The following SCML4 variants were observed in gnomAD, a reference collection of about 807,000 sequenced individuals.
The protein encoded by SCML4 is sex comb on midleg-like protein 4.
A neutral mutation model predicts 41.1 loss-of-function variants in SCML4; 34 were observed. The observed-to-expected ratio is 0.83, with a 90% CI of 0.63 to 1.10. SCML4 has a LOEUF of 1.10. SCML4 is among the 50% of genes least tolerant of loss of function. The probability of loss-of-function intolerance (pLI) is 0.00; values close to 1 mark genes in which losing one functional copy is unlikely to be tolerated. For missense variants in SCML4, 522 were observed against 534.1 expected, an observed-to-expected ratio of 0.98 and a Z score of 0.22; for synonymous variants, 214 against 220.9, an observed-to-expected ratio of 0.97 and a Z score of 0.28.
chr6:107,832,197 C>T, the SCML4 span, among the ~76,000 whole-genome samples: 2 of 152,144 alleles, frequency 1.3e-5, no homozygotes, highest in African/African-American at 4.8e-5. Flanking sequence ...AGAGATCATG[C>T]CACTGCACTC....
At chr6:107,706,137 A>T (rs945294474) in intron 7 of SCML4, among the ~76,000 whole-genome samples, 1 of 152,154 alleles carries the variant, frequency 6.6e-6, no homozygotes, top group African/African-American at 2.4e-5. Flanking sequence ...TCTCTCATTC[A>T]TCTGCCCAGC....
chr6:107,781,190 CA>C (rs924236536), intron 1 of SCML4, among the ~76,000 whole-genome samples: 1 of 151,552 alleles, frequency 6.6e-6, no homozygotes, highest in African/African-American at 2.4e-5. Context: ...CCTGTCTCTA[CA>C]AAAAATACAA....
the SCML4 span, among the ~76,000 whole-genome samples, chr6:107,845,948 C>T: frequency 6.6e-6 from 1 of 152,200 alleles, no homozygotes; most frequent in Non-Finnish European, 1.5e-5. Flanking sequence ...CCTGTCCCCA[C>T]CTGCAGTGAC....
rs202235346 is a variant in SCML4, at chr6:107,753,278, TA to T, written c.157-3466del. Among the ~76,000 whole-genome samples the T allele has an allele frequency of 5.1e-3, 781 of 152,096 alleles. 10 individuals are homozygous for T. The East Asian group carries it at 0.063, about 12-fold the overall frequency. ...CTATGGAAAAGAGTATGGCAGTTTT[TA>T]AAAAAAATTAGAAATAAAATTACCA... On this transcript the variant is annotated intron_variant, in intron 2 of 7. Coordinates refer to ENST00000369020, the MANE Select transcript of SCML4 (RefSeq NM_198081.5).
At chr6:107,820,164 C>T (rs1473990521) in intron 1 of SCML4, among the ~76,000 whole-genome samples, 1 of 152,150 alleles carries the variant, frequency 6.6e-6, no homozygotes, top group Non-Finnish European at 1.5e-5. Context: ...GCCTTGTCAC[C>T]GGTATTCAGC....
chr6:107,778,187 A>G (rs1008044986), intron 1 of SCML4, among the ~76,000 whole-genome samples: 2 of 118,028 alleles, frequency 1.7e-5, no homozygotes, highest in Non-Finnish European at 1.7e-5. Flanking sequence ...AGTGAGCGAG[A>G]CTCTATCTCA....
At chr6:107,713,481 T>G (rs967970864) in intron 6 of SCML4, among the ~76,000 whole-genome samples, 1 of 152,228 alleles carries the variant, frequency 6.6e-6, no homozygotes, top group Non-Finnish European at 1.5e-5. Flanking sequence ...TGTGTCCACA[T>G]GCAAAACACA....
intron 1 of SCML4, among the ~76,000 whole-genome samples, chr6:107,811,380 G>T (rs1784148178): frequency 6.6e-6 from 1 of 152,100 alleles, no homozygotes; most frequent in African/African-American, 2.4e-5. Flanking sequence ...ATTGCATTTT[G>T]TGGTTCCTGG....
intron 2 of SCML4, among the ~76,000 whole-genome samples, chr6:107,751,296 G>C (rs1358128820): frequency 6.6e-6 from 1 of 152,198 alleles, no homozygotes; most frequent in Non-Finnish European, 1.5e-5. Flanking sequence ...GGCATTTCTT[G>C]GGTGAAATTG....
chr6:107,839,418 G>C, the SCML4 span, among the ~76,000 whole-genome samples: 1 of 149,422 alleles, frequency 6.7e-6, no homozygotes. Flanking sequence ...AGAGGAAGAA[G>C]AGAGGGAGGG....
intron 2 of SCML4, among the ~76,000 whole-genome samples, chr6:107,761,617 A>AG (rs1779604438): frequency 6.6e-6 from 1 of 151,908 alleles, no homozygotes; most frequent in African/African-American, 2.4e-5. Context: ...TCATATTTTT[A>AG]GTAGAAATGG....
At chr6:107,785,032 C>T (rs1781780797) in intron 1 of SCML4, among the ~76,000 whole-genome samples, 1 of 152,244 alleles carries the variant, frequency 6.6e-6, no homozygotes, top group Non-Finnish European at 1.5e-5. Context: ...CAAGTCACTT[C>T]ACCATTCTGG....
rs1778438643 is a variant in SCML4, at chr6:107,749,669, A to G, written c.286+15T>C. 4 of 1,613,354 alleles carry G rather than the reference A, an allele frequency of 2.5e-6. No homozygotes were observed. The highest frequency in any genetic ancestry group is 1.3e-5 in the African/African-American group (1 of 74,870). On this transcript the variant is annotated intron_variant, in intron 3 of 7. Transcript: ENST00000369020. ...ACAGACCATCACAGCCTTGGAGTTCATTCTGCTGACCTACCTGTGAGAGCC... is the reference window on the plus strand; with the variant it reads ...ACAGACCATCACAGCCTTGGAGTTCGTTCTGCTGACCTACCTGTGAGAGCC...
At chr6:107,706,665 G>A (rs914977764) in intron 7 of SCML4, among the ~76,000 whole-genome samples, 1 of 152,140 alleles carries the variant, frequency 6.6e-6, no homozygotes, top group Non-Finnish European at 1.5e-5. Context: ...TTTAAAGTAG[G>A]GAGATTATCC....
At chr6:107,733,756 T>G (rs974478777) in intron 5 of SCML4, among the ~76,000 whole-genome samples, 1 of 152,242 alleles carries the variant, frequency 6.6e-6, no homozygotes, top group Non-Finnish European at 1.5e-5. Context: ...GCTTCCACTG[T>G]TCTGAGGTAT....
At chr6:107,779,127 A>T (rs6903916) in intron 1 of SCML4, among the ~76,000 whole-genome samples, 1 of 151,814 alleles carries the variant, frequency 6.6e-6, no homozygotes, top group Non-Finnish European at 1.5e-5. Context: ...TTGCAGTGAG[A>T]CAAGATCGCG....
intron 5 of SCML4, among the ~76,000 whole-genome samples, chr6:107,738,704 G>C (rs935954229): frequency 2.0e-5 from 3 of 152,062 alleles, no homozygotes; most frequent in Non-Finnish European, 2.9e-5. Context: ...CAAGGGAAGA[G>C]GTCTTGCTTC....
At chr6:107,840,678 C>T in the SCML4 span, among the ~76,000 whole-genome samples, 1 of 152,104 alleles carries the variant, frequency 6.6e-6, no homozygotes, top group African/African-American at 2.4e-5. Context: ...AAGTAGCGAA[C>T]AGGGACAGGG....
chr6:107,785,043 G>A (rs963735573), intron 1 of SCML4, among the ~76,000 whole-genome samples: 2 of 152,188 alleles, frequency 1.3e-5, no homozygotes, highest in Admixed American at 6.5e-5. Context: ...ACCATTCTGG[G>A]CCTCGGCCCC....
Sources: allele counts gnomAD v4.1 joint callset (sites outside exome capture counted in the v4.1 genomes callset), GRCh38; gene constraint gnomAD v4.1.1; transcripts MANE v1.5; gene names NCBI Gene and HGNC (gene_info 2026-07-23, HGNC 2026-07-21).